GUCA1C: variants seen among roughly 807,000 people sequenced by gnomAD.
GUCA1C encodes the protein guanylyl cyclase-activating protein 3.
A neutral mutation model predicts 16.2 loss-of-function variants in GUCA1C; 15 were observed. The observed-to-expected ratio is 0.93, with a 90% CI of 0.62 to 1.43. The LOEUF (loss-of-function observed/expected upper bound fraction) is 1.43, where lower values mean the gene tolerates loss of function less well. Ranked by LOEUF, GUCA1C falls within the 40% of genes most tolerant of loss-of-function variation. The pLI is 0.00. For missense variants in GUCA1C, 275 were observed against 244.8 expected (o/e 1.12, Z -0.82); for synonymous variants, 78 against 85.4 (o/e 0.91, Z 0.48).
At chr3:108,916,543 C>T (rs570911476) in intron 2 of GUCA1C, among the ~76,000 whole-genome samples, 2 of 152,274 alleles carry the variant, frequency 1.3e-5, no homozygotes, top group African/African-American at 4.8e-5. Flanking sequence ...ACCCAGAAAA[C>T]AGATATTGCT....
At chr3:108,941,100 T>C (rs1016378304) in intron 1 of GUCA1C, among the ~76,000 whole-genome samples, 8 of 152,150 alleles carry the variant, frequency 5.3e-5, no homozygotes, top group African/African-American at 1.7e-4. Flanking sequence ...TTCTGCTACA[T>C]TAAAGCTAAG....
rs775125499 is a variant in GUCA1C, at chr3:108,908,017, C to G, written c.*5G>C. On this transcript the variant is annotated 3_prime_UTR_variant, in exon 4 of 4. Coordinates refer to ENST00000261047, the MANE Select transcript of GUCA1C (RefSeq NM_005459.4). ...CATTGATAGCTGGGACAGGTATTCT[C>G]ACAGCTACTTCATTTTCACCTTCCC... is the stretch of plus-strand genomic sequence containing the variant. 1.5e-5 allele frequency: 24 copies of G among 1,606,066 alleles called. No homozygotes were observed. The Admixed American group carries it at 4.0e-4, about 27-fold the overall frequency.
At chr3:108,952,488 G>A (rs1946904310) in intron 1 of GUCA1C, among the ~76,000 whole-genome samples, 1 of 152,154 alleles carries the variant, frequency 6.6e-6, no homozygotes, top group Non-Finnish European at 1.5e-5. Context: ...AAAGAAATCT[G>A]TTCCTGACAT....
In GUCA1C at chr3:108,941,158, G is replaced by A. The variant is rs115203423; in HGVS notation, c.204+12401C>T. 6.6e-3 allele frequency among the ~76,000 whole-genome samples: 997 copies of A among 152,210 alleles called. 9 individuals are homozygous for A. Among genetic ancestry groups the A allele is most frequent in the African/African-American group, 0.023 (936 of 41,538 alleles). On this transcript the variant is annotated intron_variant, in intron 1 of 3. Coordinates refer to ENST00000261047, the MANE Select transcript of GUCA1C (RefSeq NM_005459.4). ...TAGGTAAACCATCATCACATCCACTGTAATAATCATTATTCAAATCCCACA... is the reference window on the plus strand; with the variant it reads ...TAGGTAAACCATCATCACATCCACTATAATAATCATTATTCAAATCCCACA...
intron 3 of GUCA1C, among the ~76,000 whole-genome samples, chr3:108,912,711 CAAA>C (rs10664351): frequency 8.4e-4 from 120 of 143,536 alleles, no homozygotes; most frequent in Non-Finnish European, 1.2e-3. Context: ...TTGTTAATTT[CAAA>C]AAAAAAAAAA....
chr3:108,909,963 A>G (rs1946432380), intron 3 of GUCA1C, among the ~76,000 whole-genome samples: 1 of 152,126 alleles, frequency 6.6e-6, no homozygotes, highest in Non-Finnish European at 1.5e-5. Context: ...CCTAACCACA[A>G]TTACCATTTC....
intron 1 of GUCA1C, among the ~76,000 whole-genome samples, chr3:108,926,515 CTG>C (rs1284700370): frequency 1.3e-5 from 2 of 152,240 alleles, no homozygotes; most frequent in African/African-American, 2.4e-5. Flanking sequence ...GAGTCTCGCT[CTG>C]TCCCCCAGGC....
chr3:108,914,134 C>T (rs1029243208), intron 3 of GUCA1C, among the ~76,000 whole-genome samples: 5 of 152,140 alleles, frequency 3.3e-5, no homozygotes, highest in African/African-American at 9.7e-5. Context: ...GTTTTATAAA[C>T]TATTCTAGAA....
chr3:108,953,776 C>T lies in GUCA1C; in HGVS notation c.-14G>A, dbSNP rs1233425024. On this transcript the variant is annotated 5_prime_UTR_variant, in exon 1 of 4. Transcript: ENST00000261047. ...GCCATTCCCCATCTTGACTCACAGT[C>T]TACAGCTTTTCCTCAGGTTGTTTTC... 6.3e-7 allele frequency: 1 copy of T among 1,595,160 alleles called. No individual in the cohort carries two copies. Among genetic ancestry groups the T allele is most frequent in the Non-Finnish European group, 8.6e-7 (1 of 1,162,838 alleles).
intron 1 of GUCA1C, among the ~76,000 whole-genome samples, chr3:108,939,414 C>T (rs1192724685): frequency 7.1e-6 from 1 of 141,732 alleles, no homozygotes; most frequent in Non-Finnish European, 1.5e-5. Context: ...GCAACCTCCG[C>T]CTCCCGGGTT....
intron 1 of GUCA1C, among the ~76,000 whole-genome samples, chr3:108,938,999 C>T (rs1287039728): frequency 6.6e-6 from 1 of 152,140 alleles, no homozygotes; most frequent in Non-Finnish European, 1.5e-5. Context: ...CCAAGTTTGA[C>T]CACTTCTGAA....
At position 108,916,215 on chromosome 3, in the gene GUCA1C, CT is replaced by C; in HGVS notation, c.355-2del. 6.2e-7 allele frequency: 1 copy of C among 1,604,250 alleles called. No homozygotes were observed. Among genetic ancestry groups the C allele is most frequent in the Non-Finnish European group, 8.5e-7 (1 of 1,177,638 alleles). On this transcript the variant is annotated splice_acceptor_variant, in intron 2 of 3. Coordinates refer to ENST00000261047, the MANE Select transcript of GUCA1C (RefSeq NM_005459.4). LOFTEE classifies it high-confidence loss of function. ...GCTGGCCATTGAGGGCTTGTACCGC[CT>C]GCAAAAAGACATTAAATGAAAGAGG...
At chr3:108,932,778 G>A (rs57779739) in intron 1 of GUCA1C, among the ~76,000 whole-genome samples, 63,530 of 151,376 alleles carry the variant, frequency 0.42, 13,531 homozygotes, top group Non-Finnish European at 0.43. Flanking sequence ...AGAATTAGCC[G>A]GGCGTGGCGG....
chr3:108,926,781 GT>G lies in GUCA1C; in HGVS notation c.205-6197del, dbSNP rs34081494. 4.0e-3 allele frequency among the ~76,000 whole-genome samples: 574 copies of G among 144,230 alleles called. 3 individuals carry two copies. Among genetic ancestry groups the G allele is most frequent in the African/African-American group, 0.011 (454 of 39,700 alleles). 94.6% of individuals were successfully genotyped at this position (144,230 alleles called of 152,430 possible). On this transcript the variant is annotated intron_variant, in intron 1 of 3. Coordinates refer to ENST00000261047, the MANE Select transcript of GUCA1C (RefSeq NM_005459.4). ...AGGCATGAGCCACTATGCCCGGCCT[GT>G]TTTTTTTTTTTTCTTTTCATTGTGT...
intron 1 of GUCA1C, among the ~76,000 whole-genome samples, chr3:108,934,744 T>G (rs1946705438): frequency 6.6e-6 from 1 of 150,522 alleles, no homozygotes; most frequent in South Asian, 2.1e-4. Flanking sequence ...GAGGCCACTA[T>G]CCTAAGGAAA....
At chr3:108,939,324 C>CTGTTTTTTTTTTTT (rs1553735917) in intron 1 of GUCA1C, among the ~76,000 whole-genome samples, 6 of 32,910 alleles carry the variant, frequency 1.8e-4, no homozygotes, top group East Asian at 5.3e-4. Context: ...TGCTTCAAGG[C>CTGTTTTTTTTTTTT]TTTTTTTTTT....
chr3:108,940,139 A>G (rs544789861), intron 1 of GUCA1C, among the ~76,000 whole-genome samples: 173 of 152,352 alleles, frequency 1.1e-3, no homozygotes, highest in African/African-American at 3.8e-3. Flanking sequence ...GTACTTTATT[A>G]TCACAACAAA....
chr3:108,950,379 A>G, intron 1 of GUCA1C, among the ~76,000 whole-genome samples: 1 of 152,200 alleles, frequency 6.6e-6, no homozygotes, highest in East Asian at 1.9e-4. Context: ...ACCTTTCAAC[A>G]TACTGTTTCC....
chr3:108,938,892 A>G (rs1299733618), intron 1 of GUCA1C, among the ~76,000 whole-genome samples: 1 of 152,232 alleles, frequency 6.6e-6, no homozygotes, highest in East Asian at 1.9e-4. Flanking sequence ...GATATCAGAA[A>G]GCCCTAGCCA....
Sources: gnomAD v4.1 joint callset for allele counts (sites outside exome capture counted in the v4.1 genomes callset) on GRCh38, gnomAD v4.1.1 for gene constraint, MANE v1.5 for transcripts, NCBI Gene and HGNC (gene_info 2026-07-23, HGNC 2026-07-21) for gene names.